Variants in FKRP observed in about 807,000 individuals in gnomAD.
The protein encoded by FKRP is fukutin related protein.
FKRP carries 25 observed loss-of-function variants against 30.6 expected under a neutral mutation model. The ratio of observed to expected loss-of-function variants is 0.82; its 90% CI spans 0.60 to 1.14. FKRP has a LOEUF of 1.14. Among genes scored for constraint, FKRP ranks in the 50% most tolerant of loss-of-function variants. The pLI, the probability that FKRP is intolerant of heterozygous loss-of-function variation, is 0.00. For missense variants in FKRP, 771 were observed against 727.8 expected, an observed-to-expected ratio of 1.06 and a Z score of -0.68; for synonymous variants, 358 against 342.5, an observed-to-expected ratio of 1.05 and a Z score of -0.50.
At position 46,755,806 on chromosome 19, in the gene FKRP, C is replaced by T; in HGVS notation, c.356C>T (p.Thr119Ile). 6.6e-7 allele frequency: 1 copy of T among 1,514,612 alleles called. No individual in the cohort carries two copies. Among genetic ancestry groups the T allele is most frequent in the Non-Finnish European group, 8.8e-7 (1 of 1,134,316 alleles). 93.8% of individuals were successfully genotyped at this position (1,514,612 alleles called of 1,614,324 possible). A position where few individuals can be genotyped will look rare whatever the true frequency, so the allele number is the denominator to read the frequency against. ...DRPAAASRPE[T>I]YVATEFVALV... ...CCAGCCGCAGCCTCGCGCCCGGAGA[C>T]CTACGTGGCCACCGAGTTTGTGGCC... The change falls in exon 4 of 4, where the codon ACC becomes ATC. Residue 119 changes from threonine (T) to isoleucine (I), a missense_variant. Thr to Ile is a moderately conservative substitution (Grantham distance 89). Coordinates refer to ENST00000318584, the MANE Select transcript of FKRP (RefSeq NM_024301.5).
At position 46,756,768 on chromosome 19, in the gene FKRP, G is replaced by T; in HGVS notation, c.1318G>T (p.Glu440Ter). 3 of 1,604,066 alleles carry T rather than the reference G, an allele frequency of 1.9e-6. No homozygotes were observed. The highest frequency in any genetic ancestry group is 2.6e-6 in the Non-Finnish European group (3 of 1,175,824). ...GTGGCTGGACCACCGGCAGGATGTGGAGTTTCCCGAGCACTTCCTGCAGCC... is the reference window on the plus strand; with the variant it reads ...GTGGCTGGACCACCGGCAGGATGTGTAGTTTCCCGAGCACTTCCTGCAGCC... ...DTWLDHRQDVEFPEHFLQPLV... is the reference protein window; with the variant it reads ...DTWLDHRQDV The change falls in exon 4 of 4, where the codon GAG becomes TAG. Residue 440 changes from glutamate to a stop codon, truncating the protein, a stop_gained. Coordinates refer to ENST00000318584, the MANE Select transcript of FKRP (RefSeq NM_024301.5). LOFTEE classifies it high-confidence loss of function. This position sits in a 1 kb window ranked among gnomAD's most constrained non-coding sequence, Gnocchi z 6.6.
upstream of FKRP, among the ~76,000 whole-genome samples, chr19:46,745,361 C>G (rs1440377505): frequency 6.6e-6 from 1 of 152,188 alleles, no homozygotes; most frequent in Non-Finnish European, 1.5e-5. Flanking sequence ...CCAAAGAACC[C>G]TTCCCTGCAC....
Position 46,757,231 on chromosome 19 carries a change from C to T in FKRP, c.*293C>T. On this transcript the variant is annotated 3_prime_UTR_variant, in exon 4 of 4. Transcript: ENST00000318584. ...ATGGAGGGAGACGGGGATGTCACGC[C>T]GTCCCGCAGGGCCCAGCACAGCCCC... 1.8e-6 allele frequency: 1 copy of T among 541,638 alleles called. No homozygotes were observed. Among genetic ancestry groups the T allele is most frequent in the Non-Finnish European group, 3.5e-6 (1 of 289,832 alleles). The allele number at this position is 541,638 out of a possible 1,614,324, so 33.6% of individuals were successfully genotyped here. A position where few individuals can be genotyped will look rare whatever the true frequency, so the allele number is the denominator to read the frequency against.
chr19:46,746,361 C>T lies in FKRP; in HGVS notation c.-253+271C>T. 1 of 1,168,838 alleles carries T rather than the reference C, an allele frequency of 8.6e-7. No homozygotes were observed. The highest frequency in any genetic ancestry group is 1.1e-6 in the Non-Finnish European group (1 of 949,226). The allele number at this position is 1,168,838 out of a possible 1,614,324, so 72.4% of individuals were successfully genotyped here. A position where few individuals can be genotyped will look rare whatever the true frequency, so the allele number is the denominator to read the frequency against. Reference sequence around the variant, plus strand: ...GCCGCCCCAGTGGGGCCAGGGCCCGCGCCTGAGCCGAGCGGACGGCAGGAG... The same window carrying T: ...GCCGCCCCAGTGGGGCCAGGGCCCGTGCCTGAGCCGAGCGGACGGCAGGAG... On this transcript the variant is annotated intron_variant, in intron 1 of 3. Coordinates refer to ENST00000318584, the MANE Select transcript of FKRP (RefSeq NM_024301.5).
In FKRP at chr19:46,749,779, A is replaced by G. The variant is rs987843708; in HGVS notation, c.-40+1114A>G. Among the ~76,000 whole-genome samples, 5 of 150,186 alleles carry G rather than the reference A, an allele frequency of 3.3e-5. No individual in the cohort carries two copies. In the South Asian group the frequency reaches 1.1e-3, roughly 32 times the overall value. On this transcript the variant is annotated intron_variant, in intron 3 of 3. Coordinates refer to ENST00000318584, the MANE Select transcript of FKRP (RefSeq NM_024301.5). ...GTCACCCAGGCTGGAGTGCAGTGGC[A>G]CAATCTCAACTCACTGCAACCTCTG...
rs2054919311 is a variant in FKRP, at chr19:46,756,271, T to A, written c.821T>A (p.Ile274Asn). 6.6e-7 allele frequency: 1 copy of A among 1,507,970 alleles called. No individual in the cohort carries two copies. The highest frequency in any genetic ancestry group is 1.4e-5 in the African/African-American group (1 of 72,020). The allele number at this position is 1,507,970 out of a possible 1,614,324, so 93.4% of individuals were successfully genotyped here. A position where few individuals can be genotyped will look rare whatever the true frequency, so the allele number is the denominator to read the frequency against. The part of the protein sequence containing the change: ...RRAALLRALG[I>N]RLVSWEGGRL... Reference sequence around the variant, plus strand: ...GCGGCGCTGCTCCGCGCGCTGGGCATCCGCCTAGTGAGCTGGGAAGGCGGG... The same window carrying A: ...GCGGCGCTGCTCCGCGCGCTGGGCAACCGCCTAGTGAGCTGGGAAGGCGGG... Residue 274 changes from isoleucine to asparagine, a missense_variant, in exon 4 of 4, where the codon ATC becomes AAC. Transcript: ENST00000318584. The surrounding 1 kb of genome is among the most constrained non-coding windows in gnomAD (Gnocchi z 6.6).
intron 3 of FKRP, among the ~76,000 whole-genome samples, chr19:46,753,682 C>T (rs1162725866): frequency 6.6e-6 from 1 of 151,836 alleles, no homozygotes; most frequent in Non-Finnish European, 1.5e-5. Flanking sequence ...GAAGACTCCT[C>T]TGGCTATCAC....
Position 46,756,420 on chromosome 19 carries a change from G to T in FKRP, c.970G>T (p.Glu324Ter), listed in dbSNP as rs886044183. The T allele has an allele frequency of 1.3e-6, 2 of 1,578,100 alleles. No individual in the cohort carries two copies. The highest frequency in any genetic ancestry group is 2.3e-5 in the South Asian group (2 of 86,776). ...CCCCTGCTGCCTGCGCGCGCTGCGC[G>T]AGACCGCCCGCTATGTGGTGGGCGT... ...TPPCCLRALRETARYVVGVLE... is the reference protein window; with the variant it reads ...TPPCCLRALR The change falls in exon 4 of 4, where the codon GAG becomes TAG. Residue 324 changes from glutamate to a stop codon, truncating the protein, a stop_gained. Transcript: ENST00000318584. LOFTEE classifies it high-confidence loss of function. The surrounding 1 kb of genome is among the most constrained non-coding windows in gnomAD (Gnocchi z 6.6).
At chr19:46,746,518 C>A in intron 1 of FKRP, 1 of 792,968 alleles carries the variant, frequency 1.3e-6, no homozygotes, top group Non-Finnish European at 1.5e-6. Context: ...CCGCCGCAAC[C>A]ACCGCGCGCG....
chr19:46,754,791 A>T (rs1241778139), intron 3 of FKRP, among the ~76,000 whole-genome samples: 1 of 151,874 alleles, frequency 6.6e-6, no homozygotes, highest in African/African-American at 2.4e-5. Context: ...TTTTTAGTAG[A>T]GATGGGGTTT....
At chr19:46,746,553 G>C (rs897347163) in intron 1 of FKRP, 10 of 427,618 alleles carry the variant, frequency 2.3e-5, no homozygotes, top group East Asian at 1.6e-4. Context: ...CAGTAGGAAG[G>C]GGGGCCGGCG....
chr19:46,750,003 C>G (rs921675988), intron 3 of FKRP, among the ~76,000 whole-genome samples: 6 of 152,130 alleles, frequency 3.9e-5, no homozygotes, highest in African/African-American at 1.4e-4. Flanking sequence ...CAGGCATGAG[C>G]CACCACATCG....
At chr19:46,750,444 A>G (rs1055535837) in intron 3 of FKRP, among the ~76,000 whole-genome samples, 1 of 152,174 alleles carries the variant, frequency 6.6e-6, no homozygotes, top group Non-Finnish European at 1.5e-5. Flanking sequence ...AGTCAGTCAG[A>G]CAGTGTGGCA....
Position 46,757,739 on chromosome 19 carries a change from G to A in FKRP, c.*801G>A, listed in dbSNP as rs1260996326. Reference sequence around the variant, plus strand: ...ATAGAAGTATTTCAGTCTTGCAGAGGAGGAAATGCTCAGAGCTCCGAGGTG... The same window carrying A: ...ATAGAAGTATTTCAGTCTTGCAGAGAAGGAAATGCTCAGAGCTCCGAGGTG... On this transcript the variant is annotated 3_prime_UTR_variant, in exon 4 of 4. Transcript: ENST00000318584. 2 of 167,338 alleles carry A rather than the reference G, an allele frequency of 1.2e-5. No individual in the cohort carries two copies. The highest frequency in any genetic ancestry group is 2.4e-5 in the African/African-American group (1 of 41,472). The allele number at this position is 167,338 out of a possible 1,614,324, so 10.4% of individuals were successfully genotyped here. A position where few individuals can be genotyped will look rare whatever the true frequency, so the allele number is the denominator to read the frequency against.
chr19:46,750,046 C>A (rs577081339), intron 3 of FKRP, among the ~76,000 whole-genome samples: 1 of 152,116 alleles, frequency 6.6e-6, no homozygotes, highest in Non-Finnish European at 1.5e-5. Context: ...GATCATAACA[C>A]GAGGATTAAA....
rs568361386 is a variant in FKRP at position 46,757,400 on chromosome 19, G to A, written c.*462G>A. 3 of 193,932 alleles carry A rather than the reference G, an allele frequency of 1.5e-5. No individual in the cohort carries two copies. Among genetic ancestry groups the A allele is most frequent in the East Asian group, 2.8e-4 (2 of 7,266 alleles). 12.0% of individuals were successfully genotyped at this position (193,932 alleles called of 1,614,324 possible). ...TATCGCTTCGGAGCCAGGTGGGCCTGGGGGGGCGTCGCAGTCTCTCTGTGC... is the reference window on the plus strand; with the variant it reads ...TATCGCTTCGGAGCCAGGTGGGCCTAGGGGGGCGTCGCAGTCTCTCTGTGC... On this transcript the variant is annotated 3_prime_UTR_variant, in exon 4 of 4. Coordinates refer to ENST00000318584, the MANE Select transcript of FKRP (RefSeq NM_024301.5).
intron 3 of FKRP, among the ~76,000 whole-genome samples, chr19:46,752,159 C>T (rs969251767): frequency 1.4e-4 from 21 of 152,128 alleles, no homozygotes; most frequent in African/African-American, 5.1e-4. Context: ...CTGCGAGGTG[C>T]CAGCCACAGA....
Position 46,756,763 on chromosome 19 carries a change from A to T in FKRP, c.1313A>T (p.Asp438Val). The T allele has an allele frequency of 6.2e-7, 1 of 1,605,488 alleles. No homozygotes were observed. The highest frequency in any genetic ancestry group is 8.5e-7 in the Non-Finnish European group (1 of 1,176,542). The change falls in exon 4 of 4, where the codon GAT becomes GTT. Residue 438 changes from aspartate (D) to valine (V), a missense_variant. Asp to Val is a radical substitution (Grantham distance 152). Transcript: ENST00000318584. This position sits in a 1 kb window ranked among gnomAD's most constrained non-coding sequence, Gnocchi z 6.6. ...TKDTWLDHRQ[D>V]VEFPEHFLQP... ...GACACGTGGCTGGACCACCGGCAGGATGTGGAGTTTCCCGAGCACTTCCTG... is the reference window on the plus strand; with the variant it reads ...GACACGTGGCTGGACCACCGGCAGGTTGTGGAGTTTCCCGAGCACTTCCTG...
rs1414659732 is a variant in FKRP at position 46,756,230 on chromosome 19, G to C, written c.780G>C (p.Glu260Asp). The C allele has an allele frequency of 2.1e-6, 3 of 1,452,182 alleles. No individual in the cohort carries two copies. Among genetic ancestry groups the C allele is most frequent in the Admixed American group, 2.7e-5 (1 of 36,940 alleles). The allele number at this position is 1,452,182 out of a possible 1,614,324, so 90.0% of individuals were successfully genotyped here. Residue 260 changes from glutamate to aspartate, a missense_variant, in exon 4 of 4, where the codon GAG becomes GAC. Glu to Asp is a conservative substitution (Grantham distance 45, BLOSUM62 2). Coordinates refer to ENST00000318584, the MANE Select transcript of FKRP (RefSeq NM_024301.5). This position sits in a 1 kb window ranked among gnomAD's most constrained non-coding sequence, Gnocchi z 6.6. ...ACGCGCGCTGGAAGGCTGAGCGCGA[G>C]GGACGCGCTCGGCGGGCGGCGCTGC... ...TAHARWKAER[E>D]GRARRAALLR...
Sources: allele counts gnomAD v4.1 joint callset (sites outside exome capture counted in the v4.1 genomes callset), GRCh38; gene constraint gnomAD v4.1.1; non-coding constraint Gnocchi (gnomAD v3.1); transcripts MANE v1.5; gene names NCBI Gene and HGNC (gene_info 2026-07-23, HGNC 2026-07-21).